The following RBFOX1 variants were observed in gnomAD, a reference collection of about 807,000 sequenced individuals.
The protein encoded by RBFOX1 is RNA binding fox-1 homolog 1.
In RBFOX1, 8 loss-of-function variants were observed where a neutral mutation model predicts 57.7. The observed-to-expected ratio is 0.14, with a 90% CI of 0.08 to 0.25. RBFOX1 has a LOEUF of 0.25. Ranked by LOEUF, RBFOX1 falls within the 10% of genes least tolerant of loss-of-function variation. RBFOX1 has a pLI of 1.00. For missense variants in RBFOX1, 611 were observed against 548.5 expected (o/e 1.11, Z -1.14); for synonymous variants, 326 against 222.4 (o/e 1.47, Z -4.15).
At chr16:5,355,895 A>C (rs1301694555) in intron 1 of RBFOX1, among the ~76,000 whole-genome samples, 1 of 152,174 alleles carries the variant, frequency 6.6e-6, no homozygotes, top group Non-Finnish European at 1.5e-5. Flanking sequence ...GTTTGAGACC[A>C]GCCTGGCCAA....
intron 1 of RBFOX1, among the ~76,000 whole-genome samples, chr16:6,255,199 A>C (rs1418676240): frequency 6.6e-6 from 1 of 152,046 alleles, no homozygotes; most frequent in Admixed American, 6.6e-5. Context: ...TGGTTTAATC[A>C]CCCCATTTGC....
At chr16:7,525,772 T>C (rs537385597) in intron 5 of RBFOX1, among the ~76,000 whole-genome samples, 10 of 152,326 alleles carry the variant, frequency 6.6e-5, no homozygotes, top group African/African-American at 2.4e-4. Context: ...GGTCGCCATC[T>C]TGTTTTGTTA....
chr16:5,296,269 G>T (rs187063147), intron 1 of RBFOX1, among the ~76,000 whole-genome samples: 1 of 152,152 alleles, frequency 6.6e-6, no homozygotes, highest in African/African-American at 2.4e-5. Flanking sequence ...GCATCTTTGA[G>T]GGACTATGTT....
intron 2 of RBFOX1, among the ~76,000 whole-genome samples, chr16:5,512,595 G>T (rs1046140115): frequency 6.6e-6 from 1 of 152,130 alleles, no homozygotes; most frequent in African/African-American, 2.4e-5. Context: ...CTGGACCTTA[G>T]TTGTTGCTGT....
chr16:6,762,917 C>G lies in RBFOX1; in HGVS notation c.-16+108267C>G, dbSNP rs1405949927. On this transcript the variant is annotated intron_variant, in intron 3 of 15. Transcript: ENST00000550418. Reference sequence around the variant, plus strand: ...CAAAGAGAATTTCAGAGAAAGGTAGCATCTGAGCTGAAACCTGAAGAACAA... The same window carrying G: ...CAAAGAGAATTTCAGAGAAAGGTAGGATCTGAGCTGAAACCTGAAGAACAA... 2.0e-5 allele frequency among the ~76,000 whole-genome samples: 3 copies of G among 152,266 alleles called. No homozygotes were observed. In the East Asian group the frequency reaches 5.8e-4, roughly 30 times the overall value.
intron 2 of RBFOX1, among the ~76,000 whole-genome samples, chr16:5,555,526 C>T (rs910465697): frequency 4.0e-5 from 6 of 150,990 alleles, no homozygotes; most frequent in Non-Finnish European, 8.8e-5. Flanking sequence ...GCTGGGATTA[C>T]AGGCATGAGC....
chr16:6,809,740 G>A (rs1365043046), intron 3 of RBFOX1, among the ~76,000 whole-genome samples: 1 of 152,160 alleles, frequency 6.6e-6, no homozygotes, highest in Non-Finnish European at 1.5e-5. Context: ...CAGCGACAGA[G>A]TTATTTATGA....
chr16:7,174,233 A>T (rs1469453888), intron 4 of RBFOX1, among the ~76,000 whole-genome samples: 2 of 151,992 alleles, frequency 1.3e-5, no homozygotes, highest in Non-Finnish European at 2.9e-5. Context: ...ATCCATGTGG[A>T]TGCATGTATC....
chr16:6,885,367 G>T (rs116681992), intron 3 of RBFOX1, among the ~76,000 whole-genome samples: 3 of 152,072 alleles, frequency 2.0e-5, no homozygotes, highest in African/African-American at 7.2e-5. Flanking sequence ...CCTTCGGGGG[G>T]TTGCCGAAGC....
At chr16:6,654,894 CTG>C (rs1490608193) in intron 3 of RBFOX1, among the ~76,000 whole-genome samples, 1 of 43,300 alleles carries the variant, frequency 2.3e-5, no homozygotes, top group Non-Finnish European at 6.2e-5. Flanking sequence ...GTGCTGATTT[CTG>C]TTTCAGTCAT....
rs116206282 is a variant in RBFOX1, at chr16:7,163,847, A to G, written c.27+111749A>G. The stretch of plus-strand genomic sequence containing the variant: ...AATTTTTGTATTGTTTTTGGTAGAG[A>G]TGAAGTTTTACCATGTTGGCCAGGC... On this transcript the variant is annotated intron_variant, in intron 4 of 15. Transcript: ENST00000550418. Among the ~76,000 whole-genome samples the G allele has an allele frequency of 4.6e-3, 702 of 152,098 alleles. 5 individuals are homozygous for G. The highest frequency in any genetic ancestry group is 0.016 in the African/African-American group (652 of 41,498).
intron 4 of RBFOX1, among the ~76,000 whole-genome samples, chr16:7,169,038 T>A (rs751751214): frequency 3.9e-5 from 6 of 152,206 alleles, no homozygotes; most frequent in Non-Finnish European, 8.8e-5. Flanking sequence ...TAGACAGTGT[T>A]TGTTACAGTG....
At chr16:5,791,129 A>C (rs766545004) in intron 3 of RBFOX1, among the ~76,000 whole-genome samples, 12 of 152,020 alleles carry the variant, frequency 7.9e-5, no homozygotes, top group Non-Finnish European at 1.5e-5. Flanking sequence ...TGGTCTCCTA[A>C]AGTGCTGGGA....
At position 7,235,251 on chromosome 16, in the gene RBFOX1, T is replaced by C. The variant is rs1332405290; in HGVS notation, c.27+183153T>C. Among the ~76,000 whole-genome samples the C allele has an allele frequency of 2.0e-4, 31 of 152,184 alleles. 1 individual carries two copies. The highest frequency in any genetic ancestry group is 5.9e-5 in the Non-Finnish European group (4 of 68,030). On this transcript the variant is annotated intron_variant, in intron 4 of 15. Coordinates refer to ENST00000550418, the MANE Select transcript of RBFOX1 (RefSeq NM_018723.4). ...CTGGGATGAGGATTTTTATTTTACA[T>C]TTCAGGGATGGGTTACACAGAAAGA...
At chr16:6,743,513 A>T (rs1033599352) in intron 3 of RBFOX1, among the ~76,000 whole-genome samples, 5 of 152,130 alleles carry the variant, frequency 3.3e-5, no homozygotes, top group Non-Finnish European at 2.9e-5. Context: ...AGGCCAAGGC[A>T]GGAGGATGCC....
chr16:7,547,585 A>C (rs1022200201), intron 5 of RBFOX1, among the ~76,000 whole-genome samples: 1 of 152,192 alleles, frequency 6.6e-6, no homozygotes, highest in Non-Finnish European at 1.5e-5. Context: ...TAGTCAGTTG[A>C]CCACACTGCT....
chr16:7,104,928 A>G (rs1249018252), intron 4 of RBFOX1, among the ~76,000 whole-genome samples: 1 of 151,908 alleles, frequency 6.6e-6, no homozygotes, highest in Non-Finnish European at 1.5e-5. Flanking sequence ...TATACTCAGA[A>G]ATCTCTGTGC....
chr16:7,179,839 A>C (rs2082350354), intron 4 of RBFOX1, among the ~76,000 whole-genome samples: 1 of 151,900 alleles, frequency 6.6e-6, no homozygotes, highest in African/African-American at 2.4e-5. Context: ...GGTTCAAGCG[A>C]TTCTCCTGCC....
At chr16:5,575,006 A>G (rs565926762) in intron 2 of RBFOX1, among the ~76,000 whole-genome samples, 1 of 152,336 alleles carries the variant, frequency 6.6e-6, no homozygotes, top group African/African-American at 2.4e-5. Context: ...GGCTAACCAG[A>G]TAACAAACGG....
Sources: allele counts gnomAD v4.1 joint callset (sites outside exome capture counted in the v4.1 genomes callset), GRCh38; gene constraint gnomAD v4.1.1; transcripts MANE v1.5; gene names NCBI Gene and HGNC (gene_info 2026-07-23, HGNC 2026-07-21).